Variants in PYY observed in about 807,000 individuals in gnomAD.
The protein encoded by PYY is peptide YY.
In PYY, 12 loss-of-function variants were observed where a neutral mutation model predicts 10.3. That is an observed-to-expected ratio of 1.17 (90% confidence interval 0.75 to 1.89). The LOEUF is 1.89. PYY is among the 40% of genes most tolerant of loss of function. PYY has a pLI of 0.00. For missense variants in PYY, 141 were observed against 134.0 expected, an observed-to-expected ratio of 1.05 and a Z score of -0.26; for synonymous variants, 66 against 62.0, an observed-to-expected ratio of 1.06 and a Z score of -0.30.
intron 1 of PYY, among the ~76,000 whole-genome samples, chr17:43,995,763 G>A (rs1020777012): frequency 1.3e-5 from 2 of 151,576 alleles, no homozygotes; most frequent in Admixed American, 6.6e-5. Context: ...GAACCCAGGA[G>A]GCAGAGGTTG....
intron 1 of PYY, among the ~76,000 whole-genome samples, chr17:43,971,566 T>C (rs1034549420): frequency 3.1e-5 from 4 of 130,226 alleles, no homozygotes; most frequent in Non-Finnish European, 5.0e-5. Flanking sequence ...CAAGGCTCTG[T>C]CTCAAAAAAA....
chr17:43,964,804 A>C (rs866438786), intron 2 of PYY, among the ~76,000 whole-genome samples: 3 of 152,202 alleles, frequency 2.0e-5, no homozygotes, highest in Non-Finnish European at 2.9e-5. Flanking sequence ...AGTCCGTCTC[A>C]AAAGAAAAAA....
At chr17:43,956,724 C>A (rs542434922), upstream of PYY, among the ~76,000 whole-genome samples, 40 of 152,278 alleles carry the variant, frequency 2.6e-4, no homozygotes, top group Non-Finnish European at 5.0e-4. Context: ...GATGGTGTGG[C>A]CTCTGCCATT....
intron 1 of PYY, among the ~76,000 whole-genome samples, chr17:44,003,030 A>T (rs1377923107): frequency 1.3e-5 from 2 of 151,856 alleles, no homozygotes; most frequent in African/African-American, 4.8e-5. Flanking sequence ...TTTAATTTTG[A>T]TTTTAATTTT....
chr17:43,993,198 C>T (rs1053613831), intron 1 of PYY, among the ~76,000 whole-genome samples: 4 of 152,036 alleles, frequency 2.6e-5, no homozygotes, highest in Admixed American at 1.3e-4. Flanking sequence ...CTGTGGCTCA[C>T]GCCTGTAATC....
At chr17:43,995,666 T>C (rs2048986750) in intron 1 of PYY, among the ~76,000 whole-genome samples, 1 of 151,184 alleles carries the variant, frequency 6.6e-6, no homozygotes, top group South Asian at 2.1e-4. Context: ...AAACCCCGTC[T>C]CTACTAAAAA....
chr17:43,988,562 G>A (rs748493094), intron 1 of PYY, among the ~76,000 whole-genome samples: 9 of 152,114 alleles, frequency 5.9e-5, no homozygotes, highest in African/African-American at 1.7e-4. Context: ...CTCTCAGAGC[G>A]GAGTTGAAAC....
rs527969624 is a variant in PYY at position 43,967,294 on chromosome 17, C to T, written c.-462-762G>A. 3.3e-5 allele frequency among the ~76,000 whole-genome samples: 5 copies of T among 152,240 alleles called. No individual in the cohort carries two copies. In the South Asian group the frequency reaches 1.0e-3, roughly 32 times the overall value. On this transcript the variant is annotated intron_variant, in intron 1 of 6. Transcript: ENST00000360085. ...CTCCAGCCTGGATGACAGAGTGAGA[C>T]TCTGTCTAAAAAAAGAAGAAGAAGA...
intron 1 of PYY, 128 bp from the exon 2 acceptor site, chr17:43,953,611 C>G: frequency 3.4e-6 from 3 of 893,508 alleles, no homozygotes; most frequent in Non-Finnish European, 4.9e-6. Flanking sequence ...GGCTCAGCCA[C>G]CGGGCTTGCT....
In PYY at chr17:43,953,152, T is replaced by C. The variant is rs1450861595; in HGVS notation, c.226A>G (p.Lys76Glu). 2 of 1,613,952 alleles carry C rather than the reference T, an allele frequency of 1.2e-6. No individual in the cohort carries two copies. The highest frequency in any genetic ancestry group is 2.2e-5 in the East Asian group (1 of 44,868). Residue 76 changes from lysine (K) to glutamate (E), a missense_variant, in exon 3 of 4, where the codon AAA (lysine) becomes GAA (glutamate). Transcript: ENST00000692052. ...TCCTCGCCGTCGGGGAAGAACGTTT[T>C]GGAAAGAAGCGTGTCCGGGCCGTCT... is the stretch of plus-strand genomic sequence containing the variant. ...KRDGPDTLLS[K>E]TFFPDGEDRP...
chr17:43,965,789 CAAAAAA>C (rs67609128), intron 2 of PYY, among the ~76,000 whole-genome samples: 2 of 31,922 alleles, frequency 6.3e-5, no homozygotes, highest in Admixed American at 4.9e-4. Flanking sequence ...ATCCATCTCA[CAAAAAA>C]AAAAAAAAAA....
At chr17:43,995,706 C>G (rs1215867517) in intron 1 of PYY, among the ~76,000 whole-genome samples, 1 of 151,584 alleles carries the variant, frequency 6.6e-6, no homozygotes, top group African/African-American at 2.4e-5. Context: ...TGGTGGCAGG[C>G]GCCTGTAGTC....
At chr17:43,990,129 G>T (rs938429630) in intron 1 of PYY, among the ~76,000 whole-genome samples, 3 of 151,484 alleles carry the variant, frequency 2.0e-5, no homozygotes, top group African/African-American at 7.3e-5. Context: ...GTGTACACTG[G>T]CACAACTCTT....
rs2048648639 is a variant in PYY, at chr17:43,953,443, A to G, written c.41T>C (p.Val14Ala). 2.5e-6 allele frequency: 4 copies of G among 1,611,574 alleles called. No homozygotes were observed. The highest frequency in any genetic ancestry group is 1.1e-5 in the South Asian group (1 of 90,880). The change falls in exon 2 of 4, where the codon GTG (valine) becomes GCG (alanine). Residue 14 changes from valine to alanine, a missense_variant. Transcript: ENST00000692052. The stretch of plus-strand genomic sequence containing the variant: ...TAGGCAGACGAGCAGGGCCAGAAGC[A>G]CTGTGGTCAAGGCGGGCCACGGCCT... The part of the protein sequence containing the change: ...VRRPWPALTT[V>A]LLALLVCLGA...
At chr17:43,979,852 C>A (rs760489960) in intron 1 of PYY, among the ~76,000 whole-genome samples, 23 of 152,150 alleles carry the variant, frequency 1.5e-4, no homozygotes, top group Non-Finnish European at 3.1e-4. Flanking sequence ...TGACACACAG[C>A]TTCAATTTAC....
chr17:43,971,799 C>T (rs572961724), intron 1 of PYY, among the ~76,000 whole-genome samples: 3 of 151,604 alleles, frequency 2.0e-5, no homozygotes, highest in South Asian at 2.1e-4. Context: ...TCTTTCAGTC[C>T]GTAGCTGGTT....
intron 1 of PYY, among the ~76,000 whole-genome samples, chr17:43,985,666 A>C (rs750701408): frequency 2.6e-5 from 4 of 152,238 alleles, no homozygotes; most frequent in Non-Finnish European, 5.9e-5. Flanking sequence ...GGATATATCC[A>C]GAGATAGCAC....
At chr17:43,990,730 C>A (rs2143954335) in intron 1 of PYY, among the ~76,000 whole-genome samples, 1 of 150,782 alleles carries the variant, frequency 6.6e-6, no homozygotes, top group Non-Finnish European at 1.5e-5. Flanking sequence ...TACAATGTAA[C>A]ACTATGCAGT....
rs112699901 is a variant in PYY at position 43,967,465 on chromosome 17, G to A, written c.-462-933C>T. On this transcript the variant is annotated intron_variant, in intron 1 of 6. Transcript: ENST00000360085. ...ACATTCAACTCCCTCTGAAGCTGTG[G>A]AACTTGCAGCTCAGACCACAAACTC... 8.2e-3 allele frequency among the ~76,000 whole-genome samples: 1,246 copies of A among 152,276 alleles called. 11 individuals are homozygous for A. Among genetic ancestry groups the A allele is most frequent in the Non-Finnish European group, 0.014 (942 of 68,024 alleles).
Sources: gnomAD v4.1 joint callset for allele counts (sites outside exome capture counted in the v4.1 genomes callset) on GRCh38, gnomAD v4.1.1 for gene constraint, MANE v1.5 for transcripts, NCBI Gene and HGNC (gene_info 2026-07-23, HGNC 2026-07-21) for gene names.